The following RBFOX1 variants were observed in gnomAD, a reference collection of about 807,000 sequenced individuals.
RBFOX1 encodes the protein RNA binding fox-1 homolog 1.
Under a neutral mutation model 57.7 loss-of-function variants are expected in RBFOX1, and 8 were observed. The observed-to-expected ratio is 0.14, with a 90% CI of 0.08 to 0.25. RBFOX1 has a LOEUF of 0.25. Among genes scored for constraint, RBFOX1 ranks in the 10% least tolerant of loss-of-function variants. The pLI is 1.00. For synonymous variants in RBFOX1, 326 were observed against 222.4 expected (o/e 1.47, Z -4.15); for missense variants, 611 against 548.5 (o/e 1.11, Z -1.14).
chr16:5,857,975 TATC>T lies in RBFOX1; in HGVS notation c.319-9325_319-9323del, dbSNP rs1369556199. Among the ~76,000 whole-genome samples the T allele has an allele frequency of 3.3e-5, 5 of 151,848 alleles. No individual in the cohort carries two copies. In the South Asian group the frequency reaches 8.3e-4, roughly 25 times the overall value. On this transcript the variant is annotated intron_variant, in intron 3 of 19. Coordinates refer to the RBFOX1 transcript ENST00000641259. The stretch of plus-strand genomic sequence containing the variant: ...AAATAAAAAAAGAAATGTTATAAAA[TATC>T]ATTTTGTGCTATAAGCTTTTTGTGG...
At chr16:7,702,329 GC>G (rs1358160103) in intron 14 of RBFOX1, among the ~76,000 whole-genome samples, 1 of 152,182 alleles carries the variant, frequency 6.6e-6, no homozygotes, top group Admixed American at 6.5e-5. Flanking sequence ...TTTGAAGTGA[GC>G]TTTTGTCTCC....
At chr16:5,572,871 G>A (rs1162295852) in intron 2 of RBFOX1, among the ~76,000 whole-genome samples, 1 of 152,198 alleles carries the variant, frequency 6.6e-6, no homozygotes, top group African/African-American at 2.4e-5. Flanking sequence ...AAGGTACTCA[G>A]GGTTGAGGCC....
At position 5,860,491 on chromosome 16, in the gene RBFOX1, C is replaced by G. The variant is rs193193439; in HGVS notation, c.319-6812C>G. ...TTGACTCAGTTTGTTTAAGAACTCACAACCTGTTGCTTGCTCCCATTTGTC... is the reference window on the plus strand; with the variant it reads ...TTGACTCAGTTTGTTTAAGAACTCAGAACCTGTTGCTTGCTCCCATTTGTC... On this transcript the variant is annotated intron_variant, in intron 3 of 19. Coordinates refer to the RBFOX1 transcript ENST00000641259. Among the ~76,000 whole-genome samples, 258 of 152,322 alleles carry G rather than the reference C, an allele frequency of 1.7e-3. 1 individual carries two copies. Among genetic ancestry groups the G allele is most frequent in the African/African-American group, 4.9e-3 (205 of 41,578 alleles).
At chr16:7,132,483 G>T (rs916077521) in intron 4 of RBFOX1, among the ~76,000 whole-genome samples, 2 of 115,634 alleles carry the variant, frequency 1.7e-5, no homozygotes, top group African/African-American at 6.4e-5. Flanking sequence ...CACACACACA[G>T]TCACTTTATC....
chr16:5,666,979 C>G (rs553276741), intron 3 of RBFOX1, among the ~76,000 whole-genome samples: 2 of 152,328 alleles, frequency 1.3e-5, no homozygotes, highest in African/African-American at 4.8e-5. Context: ...GGCAAGGCCT[C>G]TGAGGGTTGG....
chr16:5,554,684 C>A (rs1169413666), intron 2 of RBFOX1, among the ~76,000 whole-genome samples: 1 of 152,166 alleles, frequency 6.6e-6, no homozygotes, highest in African/African-American at 2.4e-5. Flanking sequence ...GTTAGTATTG[C>A]AACCTATTCC....
chr16:6,318,650 G>C (rs1401913701), intron 2 of RBFOX1, among the ~76,000 whole-genome samples: 1 of 152,052 alleles, frequency 6.6e-6, no homozygotes, highest in East Asian at 1.9e-4. Flanking sequence ...TTTAACCTAA[G>C]GGAGGCTGTG....
At chr16:6,158,088 G>A (rs956047805) in intron 1 of RBFOX1, among the ~76,000 whole-genome samples, 1 of 152,150 alleles carries the variant, frequency 6.6e-6, no homozygotes, top group East Asian at 1.9e-4. Flanking sequence ...GAGATTCCCC[G>A]AGATAAAACC....
At chr16:6,096,189 G>C (rs1009112501) in intron 1 of RBFOX1, among the ~76,000 whole-genome samples, 7 of 152,164 alleles carry the variant, frequency 4.6e-5, no homozygotes, top group Non-Finnish European at 8.8e-5. Flanking sequence ...TGATGGGGAA[G>C]GAAATCCCAG....
At chr16:6,137,623 T>G (rs1400505586) in intron 1 of RBFOX1, among the ~76,000 whole-genome samples, 1 of 147,206 alleles carries the variant, frequency 6.8e-6, no homozygotes. Flanking sequence ...TTTTTTTTTT[T>G]TTTTTTTTTT....
At chr16:7,352,525 TG>T (rs2097146770) in intron 4 of RBFOX1, among the ~76,000 whole-genome samples, 1 of 152,160 alleles carries the variant, frequency 6.6e-6, no homozygotes, top group South Asian at 2.1e-4. Context: ...CCATCACTGC[TG>T]TTTGGTCAGT....
chr16:5,378,473 G>A (rs1384183638), intron 1 of RBFOX1, among the ~76,000 whole-genome samples: 3 of 151,452 alleles, frequency 2.0e-5, no homozygotes, highest in East Asian at 3.9e-4. Context: ...TTTGCTAGGG[G>A]CACCCTAGCA....
intron 3 of RBFOX1, among the ~76,000 whole-genome samples, chr16:5,832,687 A>T (rs2056320897): frequency 6.6e-6 from 1 of 152,220 alleles, no homozygotes; most frequent in African/African-American, 2.4e-5. Context: ...AATCCATAAA[A>T]TGTCCAGAGG....
chr16:7,287,126 A>G (rs754126556), intron 4 of RBFOX1, among the ~76,000 whole-genome samples: 2 of 152,224 alleles, frequency 1.3e-5, no homozygotes, highest in African/African-American at 4.8e-5. Context: ...GGTGAAGCCA[A>G]TGGAGTTAGC....
rs764254377 is a variant in RBFOX1 at position 7,597,424 on chromosome 16, T to C, written c.615T>C (p.Tyr205=). 69 of 1,607,292 alleles carry C rather than the reference T, an allele frequency of 4.3e-5. No individual in the cohort carries two copies. The highest frequency in any genetic ancestry group is 1.7e-4 in the Admixed American group (10 of 59,542). ...CAAATAAAAAGACCGTCAACCCTTA[T>C]ACAAATGGTAAGTAGAGATTGGCCT... ...VMTNKKTVNP[Y]TNGWKLNPVV... is the part of the protein sequence containing the mutation. The change falls in exon 9 of 16, where the codon TAT becomes TAC. Residue 205 remains tyrosine (Y), a synonymous_variant. Transcript: ENST00000550418.
intron 4 of RBFOX1, among the ~76,000 whole-genome samples, chr16:7,062,303 G>A (rs1386135410): frequency 9.0e-6 from 1 of 111,308 alleles, no homozygotes; most frequent in Non-Finnish European, 1.7e-5. Context: ...GAGAGACAGA[G>A]TGAGACTCCA....
chr16:7,452,286 T>A (rs1042542989), intron 4 of RBFOX1, among the ~76,000 whole-genome samples: 6 of 152,200 alleles, frequency 3.9e-5, no homozygotes, highest in Non-Finnish European at 5.9e-5. Context: ...AGCTTGACAA[T>A]TTCCATGAAA....
At chr16:7,250,261 G>T (rs1239242020) in intron 4 of RBFOX1, among the ~76,000 whole-genome samples, 1 of 152,184 alleles carries the variant, frequency 6.6e-6, no homozygotes, top group African/African-American at 2.4e-5. Context: ...GCCATTAGGT[G>T]AAAAATAACA....
chr16:7,323,432 A>C (rs989819424), intron 4 of RBFOX1, among the ~76,000 whole-genome samples: 1 of 152,170 alleles, frequency 6.6e-6, no homozygotes, highest in African/African-American at 2.4e-5. Context: ...TCAATAAATA[A>C]ATAAAATAAT....
Sources: allele counts gnomAD v4.1 joint callset (sites outside exome capture counted in the v4.1 genomes callset), GRCh38; gene constraint gnomAD v4.1.1; transcripts MANE v1.5; gene names NCBI Gene and HGNC (gene_info 2026-07-23, HGNC 2026-07-21).